VLDLR: variants seen among roughly 807,000 people sequenced by gnomAD.
The protein encoded by VLDLR is very low density lipoprotein receptor, also known as very low-density lipoprotein receptor.
VLDLR carries 81 observed loss-of-function variants against 112.7 expected under a neutral mutation model. That is an observed-to-expected ratio of 0.72 (90% CI 0.60 to 0.86). The LOEUF (loss-of-function observed/expected upper bound fraction) is 0.86. Among genes scored for constraint, VLDLR ranks in the 40% least tolerant of loss-of-function variants. The pLI is 0.00. For synonymous variants in VLDLR, 436 were observed against 384.8 expected (o/e 1.13, Z -1.56); for missense variants, 1,237 against 1,099.4 (o/e 1.13, Z -1.77).
intron 1 of VLDLR, among the ~76,000 whole-genome samples, chr9:2,626,235 A>G (rs909616940): frequency 6.6e-6 from 1 of 152,232 alleles, no homozygotes; most frequent in Non-Finnish European, 1.5e-5. Context: ...AAGTCTAAAC[A>G]TGAAATTCGT....
intron 14 of VLDLR, among the ~76,000 whole-genome samples, chr9:2,649,975 G>A (rs541594474): frequency 9.2e-5 from 14 of 152,302 alleles, no homozygotes; most frequent in Non-Finnish European, 8.8e-5. Context: ...CTAAGGCTGA[G>A]TTTCCTTCCA....
chr9:2,622,431 T>C, intron 1 of VLDLR, 160 bp downstream of exon 1: 1 of 623,434 alleles, frequency 1.6e-6, no homozygotes, highest in Non-Finnish European at 2.4e-6. Context: ...CTCTGAGCTG[T>C]CAGCGCCGAG....
intron 2 of VLDLR, among the ~76,000 whole-genome samples, chr9:2,635,985 C>T (rs779422297): frequency 6.6e-6 from 1 of 152,088 alleles, no homozygotes; most frequent in South Asian, 2.1e-4. Context: ...GTTAATTAAC[C>T]CTTGACATAG....
At chr9:2,647,685 C>T (rs1255199916) in intron 12 of VLDLR, 93 bp downstream of exon 12, 1 of 1,122,786 alleles carries the variant, frequency 8.9e-7, no homozygotes, top group Non-Finnish European at 1.4e-6. Context: ...GCAGATGACT[C>T]TACTGCTTCC....
At position 2,654,838 on chromosome 9, in the gene VLDLR, A is replaced by G. The variant is rs960168561; in HGVS notation, c.*970A>G. 1 of 152,154 alleles carries G rather than the reference A, an allele frequency of 6.6e-6. No homozygotes were observed. Among genetic ancestry groups the G allele is most frequent in the South Asian group, 2.1e-4 (1 of 4,824 alleles). 9.4% of individuals were successfully genotyped at this position (152,154 alleles called of 1,614,324 possible). ...CTGTTTTCCATGTTCTGTCATTTAT[A>G]TAGGTCAAGGACAAGTGCCTTCTAA... On this transcript the variant is annotated 3_prime_UTR_variant, in exon 19 of 19. Coordinates refer to ENST00000382100, the MANE Select transcript of VLDLR (RefSeq NM_003383.5).
chr9:2,627,962 T>C (rs1004844019), intron 1 of VLDLR, among the ~76,000 whole-genome samples: 2 of 152,100 alleles, frequency 1.3e-5, no homozygotes, highest in Non-Finnish European at 1.5e-5. Flanking sequence ...TTCAAAGTAT[T>C]CTAGCTAGTA....
In VLDLR at chr9:2,655,016, G is replaced by GTATT. The variant is rs1298197928; in HGVS notation, c.*1149_*1152dup. On this transcript the variant is annotated 3_prime_UTR_variant, in exon 19 of 19. Coordinates refer to ENST00000382100, the MANE Select transcript of VLDLR (RefSeq NM_003383.5). Reference sequence around the variant, plus strand: ...AGAAGCATCTGCATCACCTGGGAATGTATTAGAAATGCAAGTTCCCAGCCC... The same window carrying GTATT: ...AGAAGCATCTGCATCACCTGGGAATGTATTTATTAGAAATGCAAGTTCCCAGCCC... 1.3e-5 allele frequency: 2 copies of GTATT among 152,212 alleles called. No individual in the cohort carries two copies. The highest frequency in any genetic ancestry group is 2.9e-5 in the Non-Finnish European group (2 of 68,048). The allele number at this position is 152,212 out of a possible 1,614,324, so 9.4% of individuals were successfully genotyped here.
intron 1 of VLDLR, among the ~76,000 whole-genome samples, chr9:2,628,268 C>G (rs1023641673): frequency 3.9e-5 from 6 of 152,070 alleles, no homozygotes; most frequent in Non-Finnish European, 5.9e-5. Context: ...AGCAGCCAGA[C>G]CATACCTAGT....
intron 2 of VLDLR, 72 bp downstream of exon 2, chr9:2,635,644 G>T: frequency 6.2e-7 from 1 of 1,604,968 alleles, no homozygotes; most frequent in South Asian, 1.1e-5. Context: ...AATGTATTGA[G>T]ATTCTGAAAA....
intron 14 of VLDLR, among the ~76,000 whole-genome samples, 164 bp from the exon 15 acceptor site, chr9:2,650,205 TG>T (rs1197138762): frequency 6.6e-6 from 1 of 152,226 alleles, no homozygotes; most frequent in African/African-American, 2.4e-5. Flanking sequence ...TGCCTGTACC[TG>T]TATACTTATT....
chr9:2,647,356 A>C, intron 11 of VLDLR, 118 bp from the exon 12 acceptor site: 1 of 790,470 alleles, frequency 1.3e-6, no homozygotes, highest in Admixed American at 1.8e-5. Flanking sequence ...AAGTGTTACT[A>C]TTTGTCACTA....
rs529505690 is a variant in VLDLR at position 2,624,509 on chromosome 9, G to C, written c.82+2238G>C. ...GATTGCACAATTCCTGGGGGTTCTG[G>C]GACATTTTCCTTCAGCCTAAGTAGT... is the stretch of plus-strand genomic sequence containing the variant. On this transcript the variant is annotated intron_variant, in intron 1 of 18. Transcript: ENST00000382100. Among the ~76,000 whole-genome samples, 62 of 152,270 alleles carry C rather than the reference G, an allele frequency of 4.1e-4. 1 individual carries two copies. In the South Asian group the frequency reaches 0.013, roughly 32 times the overall value.
At chr9:2,635,616 A>G in intron 2 of VLDLR, 44 bp downstream of exon 2, 1 of 1,613,138 alleles carries the variant, frequency 6.2e-7, no homozygotes, top group Non-Finnish European at 8.5e-7. Flanking sequence ...TTAAAATATG[A>G]TGTTATCTTA....
At position 2,651,435 on chromosome 9, in the gene VLDLR, T is replaced by TA. The variant is rs1563767165; in HGVS notation, c.2273dup (p.Tyr758Ter). The TA allele has an allele frequency of 6.2e-7, 1 of 1,614,020 alleles. No homozygotes were observed. Among genetic ancestry groups the TA allele is most frequent in the Non-Finnish European group, 8.5e-7 (1 of 1,179,952 alleles). Residue 758 changes from tyrosine to a stop codon, truncating the protein, a stop_gained and frameshift_variant, in exon 16 of 19, where the codon TAC (tyrosine) becomes TAAC (stop). Coordinates refer to ENST00000382100, the MANE Select transcript of VLDLR (RefSeq NM_003383.5). LOFTEE classifies it high-confidence loss of function. ...TTCAGGTACTGCAACTACTGTGACTTACAGTGAGACAAAAGATACGAACAC... is the reference window on the plus strand; with the variant it reads ...TTCAGGTACTGCAACTACTGTGACTTAACAGTGAGACAAAAGATACGAACAC... ...DCQSTATTVT[Y>*]SETKDTNTTE...
At chr9:2,646,145 T>C (rs1408012523) in intron 10 of VLDLR, among the ~76,000 whole-genome samples, 189 bp from the exon 11 acceptor site, 1 of 151,848 alleles carries the variant, frequency 6.6e-6, no homozygotes, top group African/African-American at 2.4e-5. Context: ...TACCAGCAAC[T>C]AGATAATCTA....
At chr9:2,644,076 A>G (rs1244128819) in intron 7 of VLDLR, 117 bp downstream of exon 7, 25 of 1,448,106 alleles carry the variant, frequency 1.7e-5, no homozygotes, top group African/African-American at 1.1e-4. Context: ...CTGAAGTTCA[A>G]TTGTAGACTT....
chr9:2,624,173 T>A (rs1182646060), intron 1 of VLDLR, among the ~76,000 whole-genome samples: 1 of 152,220 alleles, frequency 6.6e-6, no homozygotes, highest in Non-Finnish European at 1.5e-5. Context: ...CTTTTCACTT[T>A]GTCACATGTG....
At chr9:2,652,163 A>G (rs905451886) in intron 17 of VLDLR, among the ~76,000 whole-genome samples, 1 of 152,236 alleles carries the variant, frequency 6.6e-6, no homozygotes, top group Non-Finnish European at 1.5e-5. Context: ...GTAACTGGCA[A>G]TGATAAGTGT....
At chr9:2,642,054 T>C (rs1227878200) in intron 4 of VLDLR, among the ~76,000 whole-genome samples, 1 of 152,152 alleles carries the variant, frequency 6.6e-6, no homozygotes, top group East Asian at 1.9e-4. Context: ...GGTGATACCT[T>C]TGTCTCCTGT....
Sources: allele counts gnomAD v4.1 joint callset (sites outside exome capture counted in the v4.1 genomes callset), GRCh38; gene constraint gnomAD v4.1.1; transcripts MANE v1.5; gene names NCBI Gene and HGNC (gene_info 2026-07-23, HGNC 2026-07-21).